CCDC93: variants seen among roughly 807,000 people sequenced by gnomAD.
The protein encoded by CCDC93 is coiled-coil domain-containing protein 93.
In CCDC93, 61 loss-of-function variants were observed where a neutral mutation model predicts 108.2. The ratio of observed to expected loss-of-function variants is 0.56; its 90% CI spans 0.46 to 0.70. The LOEUF (loss-of-function observed/expected upper bound fraction) is 0.70. Ranked by LOEUF, CCDC93 falls within the 30% of genes least tolerant of loss-of-function variation. The pLI is 0.00. For missense variants in CCDC93, 685 were observed against 764.2 expected (o/e 0.90, Z 1.22); for synonymous variants, 276 against 260.4 (o/e 1.06, Z -0.58).
Position 117,920,289 on chromosome 2 carries a change from G to A in CCDC93, c.*54C>T. 1.7e-6 allele frequency: 2 copies of A among 1,205,942 alleles called. No individual in the cohort carries two copies. The highest frequency in any genetic ancestry group is 2.5e-6 in the Non-Finnish European group (2 of 812,874). The allele number at this position is 1,205,942 out of a possible 1,614,324, so 74.7% of individuals were successfully genotyped here. On this transcript the variant is annotated 3_prime_UTR_variant, in exon 24 of 24. Coordinates refer to ENST00000376300, the MANE Select transcript of CCDC93 (RefSeq NM_019044.5). The stretch of plus-strand genomic sequence containing the variant: ...AGAACCATTTCATGATCTTGTAGGT[G>A]ATATACGGTGCTTAAAAGTAAAATC...
chr2:117,963,081 A>T (rs1027370871), intron 11 of CCDC93, among the ~76,000 whole-genome samples: 11 of 152,200 alleles, frequency 7.2e-5, no homozygotes, highest in African/African-American at 2.4e-4. Flanking sequence ...CCCTGAAAGA[A>T]CAGAGCTTCA....
At position 117,921,008 on chromosome 2, in the gene CCDC93, G is replaced by A. The variant is rs1021000666; in HGVS notation, c.1843-612C>T. Among the ~76,000 whole-genome samples the A allele has an allele frequency of 1.5e-4, 17 of 116,862 alleles. 1 individual carries two copies. Among genetic ancestry groups the A allele is most frequent in the Admixed American group, 5.4e-4 (6 of 11,180 alleles). 76.7% of individuals were successfully genotyped at this position (116,862 alleles called of 152,430 possible). A position where few individuals can be genotyped will look rare whatever the true frequency, so the allele number is the denominator to read the frequency against. On this transcript the variant is annotated intron_variant, in intron 23 of 23. Coordinates refer to ENST00000376300, the MANE Select transcript of CCDC93 (RefSeq NM_019044.5). Reference sequence around the variant, plus strand: ...ACCATCCTGGCTACTACTAAACCCCGTCTCTACTAAAAATATAAATTAGCC... The same window carrying A: ...ACCATCCTGGCTACTACTAAACCCCATCTCTACTAAAAATATAAATTAGCC...
At chr2:117,937,893 C>T (rs534821388) in intron 20 of CCDC93, among the ~76,000 whole-genome samples, 2 of 152,212 alleles carry the variant, frequency 1.3e-5, no homozygotes, top group African/African-American at 2.4e-5. Flanking sequence ...CCAAGGAGCA[C>T]CCTCTAGGAT....
At chr2:117,936,638 G>C in intron 21 of CCDC93, 64 bp downstream of exon 21, 2 of 1,254,578 alleles carry the variant, frequency 1.6e-6, no homozygotes, top group Middle Eastern at 1.8e-4. Context: ...GCAATGTGAG[G>C]TGGGCTGAAT....
chr2:117,949,088 T>C (rs1678968609), intron 14 of CCDC93, among the ~76,000 whole-genome samples: 3 of 152,192 alleles, frequency 2.0e-5, no homozygotes, highest in African/African-American at 7.2e-5. Context: ...AAAACTATGC[T>C]GCTTCTGTAC....
intron 13 of CCDC93, chr2:117,951,114 T>G (rs1362984004): frequency 2.0e-5 from 20 of 982,042 alleles, no homozygotes; most frequent in African/African-American, 3.5e-5. Context: ...ATAAATGTCT[T>G]AGAAAGCTGA....
intron 16 of CCDC93, 91 bp from the exon 17 acceptor site, chr2:117,945,673 G>T: frequency 9.7e-7 from 1 of 1,034,672 alleles, no homozygotes; most frequent in Non-Finnish European, 1.5e-6. Context: ...GGGCCAGGCA[G>T]GGGCATAAGG....
At chr2:118,008,694 T>C in intron 1 of CCDC93, 36 bp from the exon 2 acceptor site, 2 of 1,379,768 alleles carry the variant, frequency 1.4e-6, no homozygotes, top group Non-Finnish European at 2.1e-6. Context: ...TGGTAAAAGA[T>C]ATGCTGAATA....
chr2:117,917,142 T>C lies in CCDC93; in HGVS notation c.*3201A>G, dbSNP rs1677711208. ...GATACCTACCTCCCTTTTAGGGTGA[T>C]CAGTCACCTACAGAGTGGGCAAACA... On this transcript the variant is annotated 3_prime_UTR_variant, in exon 24 of 24. Transcript: ENST00000376300. 1 of 151,920 alleles carries C rather than the reference T, an allele frequency of 6.6e-6. No individual in the cohort carries two copies. Among genetic ancestry groups the C allele is most frequent in the Non-Finnish European group, 1.5e-5 (1 of 67,842 alleles). 9.4% of individuals were successfully genotyped at this position (151,920 alleles called of 1,614,324 possible).
chr2:117,930,983 A>C, intron 23 of CCDC93, 54 bp downstream of exon 23: 1 of 1,176,990 alleles, frequency 8.5e-7, no homozygotes, highest in South Asian at 1.4e-5. Flanking sequence ...GCTACTTTTG[A>C]GGTGAACATA....
chr2:117,986,159 T>C (rs1680312489), intron 6 of CCDC93, 90 bp from the exon 7 acceptor site: 1 of 485,050 alleles, frequency 2.1e-6, no homozygotes, highest in African/African-American at 2.3e-5. Flanking sequence ...GGGTATATTC[T>C]CTTTTTTTTT....
At position 117,920,301 on chromosome 2, in the gene CCDC93, T is replaced by G. The variant is rs746573138; in HGVS notation, c.*42A>C. The G allele has an allele frequency of 2.0e-5, 30 of 1,484,820 alleles. No individual in the cohort carries two copies. Among genetic ancestry groups the G allele is most frequent in the Non-Finnish European group, 2.8e-5 (30 of 1,064,514 alleles). 92.0% of individuals were successfully genotyped at this position (1,484,820 alleles called of 1,614,324 possible). ...TGATCTTGTAGGTGATATACGGTGC[T>G]TAAAAGTAAAATCAATGACATACAG... On this transcript the variant is annotated 3_prime_UTR_variant, in exon 24 of 24. Coordinates refer to ENST00000376300, the MANE Select transcript of CCDC93 (RefSeq NM_019044.5).
chr2:117,925,367 T>G (rs557779067), intron 23 of CCDC93, among the ~76,000 whole-genome samples: 1 of 152,014 alleles, frequency 6.6e-6, no homozygotes, highest in Non-Finnish European at 1.5e-5. Context: ...GTGCTGTATT[T>G]AGGAAACCCA....
chr2:117,964,928 G>T (rs1274936567), intron 11 of CCDC93, among the ~76,000 whole-genome samples: 5 of 152,150 alleles, frequency 3.3e-5, no homozygotes, highest in African/African-American at 1.2e-4. Flanking sequence ...TGGCTATCAG[G>T]TGAGTCTCCA....
intron 11 of CCDC93, among the ~76,000 whole-genome samples, chr2:117,968,767 C>T (rs987801478): frequency 1.3e-5 from 2 of 152,116 alleles, no homozygotes; most frequent in East Asian, 1.9e-4. Context: ...TGATCCTCCC[C>T]GCAAATTATC....
chr2:118,013,326 C>T (rs1221749932), intron 1 of CCDC93, among the ~76,000 whole-genome samples: 1 of 152,242 alleles, frequency 6.6e-6, no homozygotes, highest in Non-Finnish European at 1.5e-5. Context: ...CCACACAGCA[C>T]CCCTGGAGTG....
chr2:117,931,043 G>T lies in CCDC93; in HGVS notation c.1836C>A (p.Phe612Leu). The T allele has an allele frequency of 6.2e-7, 1 of 1,603,052 alleles. No individual in the cohort carries two copies. The highest frequency in any genetic ancestry group is 8.5e-7 in the Non-Finnish European group (1 of 1,171,248). ...QRLYFKTVKE[F>L]KEEGRKNEML... is the part of the protein sequence containing the mutation. ...TACCCAGCCTTCCTCTTACCTCCTTGAACTCTTTCACAGTCTTAAAGTATA... is the reference window on the plus strand; with the variant it reads ...TACCCAGCCTTCCTCTTACCTCCTTTAACTCTTTCACAGTCTTAAAGTATA... The change falls in exon 23 of 24, where the codon TTC becomes TTA. Residue 612 changes from phenylalanine to leucine, a missense_variant. Transcript: ENST00000376300.
intron 18 of CCDC93, among the ~76,000 whole-genome samples, chr2:117,941,829 T>G (rs1678711142): frequency 6.6e-6 from 1 of 152,236 alleles, no homozygotes; most frequent in African/African-American, 2.4e-5. Flanking sequence ...CTGGGAGGCA[T>G]GGCACTGCTG....
rs1281841167 is a variant in CCDC93, at chr2:117,974,849, C to G, written c.801+1G>C. On this transcript the variant is annotated splice_donor_variant, in intron 10 of 23. Transcript: ENST00000376300. LOFTEE classifies it high-confidence loss of function. ...CCCACACCTCCCCGACTCCCACTCA[C>G]CTCCTCATTTGCCATAGCGGTCATC... is the stretch of plus-strand genomic sequence containing the variant. 6.4e-7 allele frequency: 1 copy of G among 1,570,386 alleles called. No individual in the cohort carries two copies. Among genetic ancestry groups the G allele is most frequent in the African/African-American group, 1.4e-5 (1 of 74,008 alleles).
Sources: gnomAD v4.1 joint callset for allele counts (sites outside exome capture counted in the v4.1 genomes callset) on GRCh38, gnomAD v4.1.1 for gene constraint, MANE v1.5 for transcripts, NCBI Gene and HGNC (gene_info 2026-07-23, HGNC 2026-07-21) for gene names.